DENND2B: variants seen among roughly 807,000 people sequenced by gnomAD.
The protein encoded by DENND2B is DENN domain-containing protein 2B.
Under a neutral mutation model 116.0 loss-of-function variants are expected in DENND2B, and 32 were observed. The observed-to-expected ratio is 0.28, with a 90% CI of 0.21 to 0.37. The LOEUF (loss-of-function observed/expected upper bound fraction) is 0.37. DENND2B is among the 10% of genes least tolerant of loss of function. The pLI is 1.00. For missense variants in DENND2B, 1,276 were observed against 1,477.7 expected, an observed-to-expected ratio of 0.86 and a Z score of 2.24; for synonymous variants, 588 against 583.9, an observed-to-expected ratio of 1.01 and a Z score of -0.10.
intron 2 of DENND2B, among the ~76,000 whole-genome samples, chr11:8,863,232 G>A (rs1232971645): frequency 2.0e-5 from 3 of 148,852 alleles, no homozygotes; most frequent in Admixed American, 1.4e-4. Context: ...CTCTACCCAC[G>A]CCCCATGACT....
intron 4 of DENND2B, among the ~76,000 whole-genome samples, chr11:8,824,570 T>A: frequency 6.6e-6 from 1 of 152,234 alleles, no homozygotes; most frequent in East Asian, 1.9e-4. Flanking sequence ...CCATGCTGTA[T>A]ATGTACATTT....
At chr11:8,713,206 A>G (rs2044086297) in intron 8 of DENND2B, among the ~76,000 whole-genome samples, 1 of 152,090 alleles carries the variant, frequency 6.6e-6, no homozygotes, top group African/African-American at 2.4e-5. Flanking sequence ...AAGCACAAAG[A>G]TTTATCCAAG....
At chr11:8,764,119 C>T (rs967382864) in intron 1 of DENND2B, among the ~76,000 whole-genome samples, 17 of 152,046 alleles carry the variant, frequency 1.1e-4, no homozygotes, top group Non-Finnish European at 1.8e-4. Context: ...ACTCAGGAGG[C>T]TGGGGCATGA....
chr11:8,859,571 G>C (rs924594771), intron 2 of DENND2B, among the ~76,000 whole-genome samples: 1 of 152,008 alleles, frequency 6.6e-6, no homozygotes, highest in Non-Finnish European at 1.5e-5. Flanking sequence ...GCCTCCCAAA[G>C]TGCTGGGATT....
intron 2 of DENND2B, among the ~76,000 whole-genome samples, chr11:8,880,130 T>C (rs2063886245): frequency 6.6e-6 from 1 of 152,186 alleles, no homozygotes. Context: ...CAGAGCCATC[T>C]TCAGTCTCCT....
chr11:8,828,156 TGTTC>T (rs1406454237), intron 4 of DENND2B, among the ~76,000 whole-genome samples: 1 of 152,172 alleles, frequency 6.6e-6, no homozygotes, highest in Non-Finnish European at 1.5e-5. Context: ...GGAAGAGAGC[TGTTC>T]CTGCCTACAG....
At chr11:8,764,995 C>T (rs938509484) in intron 1 of DENND2B, among the ~76,000 whole-genome samples, 3 of 151,042 alleles carry the variant, frequency 2.0e-5, no homozygotes, top group Non-Finnish European at 4.4e-5. Context: ...GCAGAAGGTC[C>T]AACGCCTGGC....
intron 1 of DENND2B, among the ~76,000 whole-genome samples, chr11:8,890,965 G>A (rs950645878): frequency 6.6e-6 from 1 of 152,116 alleles, no homozygotes; most frequent in Non-Finnish European, 1.5e-5. Flanking sequence ...TGAAATGAAG[G>A]AAAAAATGTT....
At chr11:8,860,392 T>C (rs2063350891) in intron 2 of DENND2B, among the ~76,000 whole-genome samples, 2 of 152,126 alleles carry the variant, frequency 1.3e-5, no homozygotes, top group Admixed American at 6.6e-5. Flanking sequence ...CACTGCTATA[T>C]ACCAACAACC....
intron 1 of DENND2B, among the ~76,000 whole-genome samples, chr11:8,752,461 AGAG>A (rs1247465539): frequency 1.3e-5 from 2 of 149,712 alleles, no homozygotes; most frequent in African/African-American, 2.4e-5. Context: ...CAAAAAAAAA[AGAG>A]AGAAAAAAAC....
intron 3 of DENND2B, among the ~76,000 whole-genome samples, chr11:8,842,222 C>CT (rs1017751405): frequency 5.9e-5 from 9 of 152,178 alleles, no homozygotes; most frequent in Middle Eastern, 3.4e-3. Context: ...TTTTTAGAGA[C>CT]TTTTTTAAAA....
At chr11:8,728,008 C>CAT (rs1565746524) in intron 3 of DENND2B, among the ~76,000 whole-genome samples, 2 of 110,046 alleles carry the variant, frequency 1.8e-5, no homozygotes, top group African/African-American at 6.9e-5. Context: ...CACACACACA[C>CAT]GCAAATTTTT....
In DENND2B at chr11:8,701,344, C is replaced by CAGG. The variant is rs1491336392; in HGVS notation, c.2720+1227_2720+1228insCCT. The stretch of plus-strand genomic sequence containing the variant: ...AGGCTAGGATGGGAAGGCCAGCTTC[C>CAGG]GGGGGGGGGGGGGGGAGGGGCTACA... On this transcript the variant is annotated intron_variant, in intron 14 of 19. Coordinates refer to ENST00000313726, the MANE Select transcript of DENND2B (RefSeq NM_213618.2). Among the ~76,000 whole-genome samples, 7 of 11,240 alleles carry CAGG rather than the reference C, an allele frequency of 6.2e-4. 1 individual carries two copies. Among genetic ancestry groups the CAGG allele is most frequent in the African/African-American group, 2.2e-3 (5 of 2,262 alleles). The allele number at this position is 11,240 out of a possible 152,430, so 7.4% of individuals were successfully genotyped here.
chr11:8,712,191 G>A lies in DENND2B; in HGVS notation c.2172+360C>T, dbSNP rs114553571. Among the ~76,000 whole-genome samples the A allele has an allele frequency of 5.7e-3, 868 of 152,272 alleles. 8 individuals carry two copies. Among genetic ancestry groups the A allele is most frequent in the African/African-American group, 0.014 (602 of 41,538 alleles). On this transcript the variant is annotated intron_variant, in intron 9 of 19. Coordinates refer to ENST00000313726, the MANE Select transcript of DENND2B (RefSeq NM_213618.2). This position sits in a 1 kb window ranked among gnomAD's most constrained non-coding sequence, Gnocchi z 4.4. Reference sequence around the variant, plus strand: ...TAGTGGGTGCAGAGTTTCTCTTTGGGGTGATAAAAATGTTCTAAAATTGAC... The same window carrying A: ...TAGTGGGTGCAGAGTTTCTCTTTGGAGTGATAAAAATGTTCTAAAATTGAC...
intron 1 of DENND2B, chr11:8,785,774 G>C (rs1192565610): frequency 6.6e-6 from 1 of 152,204 alleles, no homozygotes; most frequent in African/African-American, 2.4e-5. Context: ...TGGAAGGAAA[G>C]GCCAATACCT....
At chr11:8,878,412 C>CA (rs1158648392) in intron 2 of DENND2B, among the ~76,000 whole-genome samples, 1 of 147,630 alleles carries the variant, frequency 6.8e-6, no homozygotes, top group Non-Finnish European at 1.5e-5. Flanking sequence ...TTTTTGGAGA[C>CA]AGAGTCTCGC....
At chr11:8,700,067 G>A (rs559606273) in intron 14 of DENND2B, 16 of 452,164 alleles carry the variant, frequency 3.5e-5, no homozygotes, top group Non-Finnish European at 5.4e-5. Flanking sequence ...GCTGGCCTGG[G>A]GGGGGGCAGG....
chr11:8,853,974 A>G (rs2063103441), intron 3 of DENND2B, among the ~76,000 whole-genome samples: 1 of 146,804 alleles, frequency 6.8e-6, no homozygotes, highest in South Asian at 2.2e-4. Flanking sequence ...TCAGCCTCCT[A>G]AAGTGCTGGG....
At chr11:8,894,274 C>T (rs868724600) in intron 1 of DENND2B, among the ~76,000 whole-genome samples, 2 of 151,962 alleles carry the variant, frequency 1.3e-5, no homozygotes, top group South Asian at 2.1e-4. Flanking sequence ...CTTAAATGTT[C>T]GACCTAAAAC....
Sources: gnomAD v4.1 joint callset for allele counts (sites outside exome capture counted in the v4.1 genomes callset) on GRCh38, gnomAD v4.1.1 for gene constraint, Gnocchi (gnomAD v3.1) non-coding constraint, MANE v1.5 for transcripts, NCBI Gene and HGNC (gene_info 2026-07-23, HGNC 2026-07-21) for gene names.